EXOC2: variants seen among roughly 807,000 people sequenced by gnomAD.
The protein encoded by EXOC2 is SEC5-like 1.
Under a neutral mutation model 131.8 loss-of-function variants are expected in EXOC2, and 70 were observed. The observed-to-expected ratio is 0.53, with a 90% CI of 0.44 to 0.65. The LOEUF (loss-of-function observed/expected upper bound fraction) is 0.65, where lower values mean the gene tolerates loss of function less well. Ranked by LOEUF, EXOC2 falls within the 30% of genes least tolerant of loss-of-function variation. The probability of loss-of-function intolerance (pLI) is 0.00; values close to 1 mark genes in which losing one functional copy is unlikely to be tolerated. For synonymous variants in EXOC2, 411 were observed against 398.4 expected (o/e 1.03, Z -0.38); for missense variants, 923 against 1,108.6 (o/e 0.83, Z 2.38).
chr6:681,496 C>T (rs1247497559), intron 1 of EXOC2, among the ~76,000 whole-genome samples: 1 of 152,146 alleles, frequency 6.6e-6, no homozygotes, highest in African/African-American at 2.4e-5. Context: ...AATGTTTAAA[C>T]CAAAATGAGT....
intron 4 of EXOC2, among the ~76,000 whole-genome samples, chr6:620,200 C>T (rs1352482795): frequency 6.6e-6 from 1 of 152,174 alleles, no homozygotes; most frequent in Admixed American, 6.5e-5. Context: ...AATCAAGTAT[C>T]GACAATAGAT....
intron 23 of EXOC2, among the ~76,000 whole-genome samples, chr6:502,675 T>TG (rs1357742402): frequency 6.7e-6 from 1 of 149,882 alleles, no homozygotes; most frequent in East Asian, 2.0e-4. Context: ...GCAGAAAATT[T>TG]GGAAAAAAAA....
rs1005165161 is a variant in EXOC2, at chr6:564,687, C to G, written c.1525G>C (p.Val509Leu). 3 of 1,591,838 alleles carry G rather than the reference C, an allele frequency of 1.9e-6. No homozygotes were observed. The highest frequency in any genetic ancestry group is 2.6e-6 in the Non-Finnish European group (3 of 1,168,884). Residue 509 changes from valine (V) to leucine (L), a missense_variant, in exon 15 of 28, where the codon GTA (valine) becomes CTA (leucine). By Grantham distance (32) the Val-to-Leu change is conservative (BLOSUM62 1). Coordinates refer to ENST00000230449, the MANE Select transcript of EXOC2 (RefSeq NM_018303.6). ...QNDFKKMIQE[V>L]MHSLVKLTRG... ...GTAAGCTTCACCAGGGAGTGCATTACTTCCTGAATCATTTTCTAGAAAACC... is the reference window on the plus strand; with the variant it reads ...GTAAGCTTCACCAGGGAGTGCATTAGTTCCTGAATCATTTTCTAGAAAACC...
intron 1 of EXOC2, among the ~76,000 whole-genome samples, chr6:688,167 G>A (rs1764751745): frequency 6.6e-6 from 1 of 152,220 alleles, no homozygotes; most frequent in African/African-American, 2.4e-5. Context: ...TGCTAAGAGT[G>A]TGTGTAAATG....
At chr6:558,999 T>TG (rs1757567128) in intron 17 of EXOC2, among the ~76,000 whole-genome samples, 1 of 152,120 alleles carries the variant, frequency 6.6e-6, no homozygotes, top group African/African-American at 2.4e-5. Flanking sequence ...CGGGAGTAGG[T>TG]GATAGTCTAC....
At chr6:683,078 G>C (rs1764487109) in intron 1 of EXOC2, among the ~76,000 whole-genome samples, 1 of 152,134 alleles carries the variant, frequency 6.6e-6, no homozygotes, top group Non-Finnish European at 1.5e-5. Context: ...ACAGAGCTCA[G>C]GTACTGAAAC....
chr6:549,255 A>G lies in EXOC2; in HGVS notation c.2158T>C (p.Tyr720His). ...RLLIVLSNCC[Y>H]LERHTFLNIA... The stretch of plus-strand genomic sequence containing the variant: ...TTTAGGAAGGTGTGACGTTCTAGAT[A>G]GCAGCAATTACTTAGGACTATCAAA... The change falls in exon 22 of 28, where the codon TAT becomes CAT. Residue 720 changes from tyrosine to histidine, a missense_variant. By Grantham distance (83) the Tyr-to-His change is moderately conservative. Coordinates refer to ENST00000230449, the MANE Select transcript of EXOC2 (RefSeq NM_018303.6). 6.2e-7 allele frequency: 1 copy of G among 1,614,260 alleles called. No homozygotes were observed. Among genetic ancestry groups the G allele is most frequent in the Non-Finnish European group, 8.5e-7 (1 of 1,180,030 alleles).
chr6:677,300 T>C (rs1251042773), intron 1 of EXOC2, among the ~76,000 whole-genome samples: 1 of 152,232 alleles, frequency 6.6e-6, no homozygotes, highest in Non-Finnish European at 1.5e-5. Flanking sequence ...TTACACTTTA[T>C]AGGGATTTTG....
chr6:594,291 C>A (rs1309892640), intron 10 of EXOC2, among the ~76,000 whole-genome samples: 2 of 152,202 alleles, frequency 1.3e-5, no homozygotes, highest in Non-Finnish European at 2.9e-5. Context: ...TCTTTTATTA[C>A]CTGAACGATA....
chr6:558,504 C>A (rs1369473938), intron 17 of EXOC2, among the ~76,000 whole-genome samples: 1 of 152,040 alleles, frequency 6.6e-6, no homozygotes, highest in Non-Finnish European at 1.5e-5. Flanking sequence ...TGAAATTCAA[C>A]CGTGGGCCAT....
chr6:527,431 A>G (rs1445534709), intron 23 of EXOC2, among the ~76,000 whole-genome samples: 3 of 152,264 alleles, frequency 2.0e-5, no homozygotes, highest in Non-Finnish European at 4.4e-5. Context: ...TAGACTTGAG[A>G]AGAGCTGTGC....
At chr6:600,565 G>C (rs1052311911) in intron 7 of EXOC2, among the ~76,000 whole-genome samples, 3 of 152,106 alleles carry the variant, frequency 2.0e-5, no homozygotes, top group Non-Finnish European at 2.9e-5. Flanking sequence ...ACCAAGCACT[G>C]TTGTTTTACA....
In EXOC2 at chr6:617,735, A is replaced by T; in HGVS notation, c.637T>A (p.Phe213Ile). 6.2e-7 allele frequency: 1 copy of T among 1,613,030 alleles called. No homozygotes were observed. The highest frequency in any genetic ancestry group is 1.7e-4 in the Middle Eastern group (1 of 6,058). Residue 213 changes from phenylalanine (F) to isoleucine (I), a missense_variant, in exon 6 of 28, where the codon TTC becomes ATC. Coordinates refer to ENST00000230449, the MANE Select transcript of EXOC2 (RefSeq NM_018303.6). The part of the protein sequence containing the change: ...AYVKGGLSTF[F>I]EAQDALSAIH... ...CCTGAGAGGGCATCCTGTGCTTCGA[A>T]GAATGTACTGAGACCGCCTTTCACA...
rs541303074 is a variant in EXOC2 at position 581,502 on chromosome 6, G to A, written c.1193-4620C>T. Among the ~76,000 whole-genome samples, 7 of 152,218 alleles carry A rather than the reference G, an allele frequency of 4.6e-5. No individual in the cohort carries two copies. The South Asian group carries it at 6.2e-4, about 14-fold the overall frequency. ...CAGATTACTCTGAATACAAAATTGC[G>A]AACAGGCACATCACCCTATAGTGTG... On this transcript the variant is annotated intron_variant, in intron 11 of 27. Transcript: ENST00000230449.
chr6:659,975 G>A (rs916255026), intron 1 of EXOC2, among the ~76,000 whole-genome samples: 2 of 147,660 alleles, frequency 1.4e-5, no homozygotes, highest in African/African-American at 2.5e-5. Context: ...TTTTCAAGCC[G>A]TCTTGCCACT....
At chr6:663,507 T>A (rs1369087502) in intron 1 of EXOC2, among the ~76,000 whole-genome samples, 1 of 152,062 alleles carries the variant, frequency 6.6e-6, no homozygotes, top group Non-Finnish European at 1.5e-5. Context: ...CAGACCAATA[T>A]CCTTGATGAA....
chr6:641,602 A>T (rs536095596), intron 1 of EXOC2, among the ~76,000 whole-genome samples: 1 of 152,338 alleles, frequency 6.6e-6, no homozygotes, highest in African/African-American at 2.4e-5. Context: ...AAACAACAAA[A>T]AAGGAAGTCC....
At chr6:606,088 T>TA (rs1436122858) in intron 7 of EXOC2, among the ~76,000 whole-genome samples, 1 of 152,080 alleles carries the variant, frequency 6.6e-6, no homozygotes, top group Non-Finnish European at 1.5e-5. Context: ...TATGCAGCCA[T>TA]AAAAAAGGAA....
At chr6:487,799 G>A (rs1443919510) in intron 27 of EXOC2, among the ~76,000 whole-genome samples, 2 of 152,228 alleles carry the variant, frequency 1.3e-5, no homozygotes, top group African/African-American at 2.4e-5. Flanking sequence ...CTGAGGTCAA[G>A]AGATTATTTC....
Sources: allele counts gnomAD v4.1 joint callset (sites outside exome capture counted in the v4.1 genomes callset), GRCh38; gene constraint gnomAD v4.1.1; transcripts MANE v1.5; gene names NCBI Gene and HGNC (gene_info 2026-07-23, HGNC 2026-07-21).